Variants in POLA1 observed in about 807,000 individuals in gnomAD.
POLA1 encodes DNA polymerase alpha 1, catalytic subunit, also known as DNA polymerase alpha catalytic subunit.
A neutral mutation model predicts 124.0 loss-of-function variants in POLA1; 15 were observed. The ratio of observed to expected loss-of-function variants is 0.12; its 90% confidence interval spans 0.08 to 0.19. The LOEUF (loss-of-function observed/expected upper bound fraction) is 0.19. Ranked by LOEUF, POLA1 falls within the 10% of genes least tolerant of loss-of-function variation. The pLI, the probability that POLA1 is intolerant of heterozygous loss-of-function variation, is 1.00. For missense variants in POLA1, 886 were observed against 1,103.4 expected, an observed-to-expected ratio of 0.80 and a Z score of 2.79; for synonymous variants, 408 against 389.4, an observed-to-expected ratio of 1.05 and a Z score of -0.56.
chrX:24,780,219 G>A (rs934417835), intron 26 of POLA1, among the ~76,000 whole-genome samples: 1 of 111,912 alleles, frequency 8.9e-6, no homozygotes, highest in African/African-American at 3.3e-5. Flanking sequence ...AATGAGGTTG[G>A]AAGGGTTCCT....
intron 4 of POLA1, among the ~76,000 whole-genome samples, chrX:24,707,845 T>A (rs1462678362): frequency 9.0e-6 from 1 of 110,936 alleles, no homozygotes; most frequent in East Asian, 2.8e-4. Flanking sequence ...AATAGAAAAA[T>A]TAGTCGGGCG....
intron 30 of POLA1, among the ~76,000 whole-genome samples, chrX:24,816,321 CTG>C (rs751060177): frequency 1.8e-5 from 2 of 112,360 alleles, no homozygotes; most frequent in Admixed American, 9.4e-5. Context: ...GAATATGAAA[CTG>C]TATTTCACAG....
intron 34 of POLA1, among the ~76,000 whole-genome samples, chrX:24,863,693 C>G (rs2046752243): frequency 9.0e-6 from 1 of 111,580 alleles, no homozygotes; most frequent in Non-Finnish European, 1.9e-5. Flanking sequence ...CTTTGTGCCA[C>G]TGTGCTTTGA....
chrX:24,966,837 C>T (rs1363202093), intron 36 of POLA1, among the ~76,000 whole-genome samples: 1 of 112,280 alleles, frequency 8.9e-6, no homozygotes, highest in Non-Finnish European at 1.9e-5. Context: ...AAGCATGCTG[C>T]ACACTGTAAT....
At chrX:24,709,150 G>A (rs1602255364) in intron 4 of POLA1, among the ~76,000 whole-genome samples, 1 of 77,931 alleles carries the variant, frequency 1.3e-5, no homozygotes, top group Non-Finnish European at 2.5e-5. Flanking sequence ...CCGGGCAGAG[G>A]CGCCCCTCAC....
intron 34 of POLA1, among the ~76,000 whole-genome samples, chrX:24,876,064 AGATTATTTTTGAGGTGGT>A (rs1220900805): frequency 3.6e-5 from 4 of 112,201 alleles, no homozygotes; most frequent in African/African-American, 1.3e-4. Context: ...ATTATTGAAA[AGATTATTTTTGAGGTGGT>A]GTTTACTAAA....
intron 36 of POLA1, among the ~76,000 whole-genome samples, chrX:24,943,802 G>A (rs922314873): frequency 1.2e-4 from 13 of 112,451 alleles, no homozygotes; most frequent in African/African-American, 4.2e-4. Flanking sequence ...TTACACAGGA[G>A]TCTTTCAGTC....
intron 35 of POLA1, among the ~76,000 whole-genome samples, chrX:24,921,803 T>C (rs1391991491): frequency 9.0e-6 from 1 of 110,937 alleles, no homozygotes; most frequent in African/African-American, 3.3e-5. Flanking sequence ...ATTTTAGTCA[T>C]TGTTGATATT....
intron 35 of POLA1, among the ~76,000 whole-genome samples, chrX:24,899,648 C>G (rs1300639766): frequency 8.9e-6 from 1 of 111,783 alleles, no homozygotes; most frequent in Non-Finnish European, 1.9e-5. Flanking sequence ...GCTTTAATAG[C>G]AAAAGCAAAT....
At chrX:24,959,674 G>A (rs1008094467) in intron 36 of POLA1, among the ~76,000 whole-genome samples, 2 of 111,206 alleles carry the variant, frequency 1.8e-5, no homozygotes, top group Non-Finnish European at 3.8e-5. Flanking sequence ...CACTTGAAAC[G>A]TGCCTAGTTT....
At chrX:24,790,911 GTA>G (rs56343314) in intron 26 of POLA1, among the ~76,000 whole-genome samples, 17,181 of 77,944 alleles carry the variant, frequency 0.22, 1,405 homozygotes, top group East Asian at 0.36. Context: ...TTATGTATAT[GTA>G]TATATATATA....
At chrX:24,863,100 C>T (rs775581387) in intron 34 of POLA1, among the ~76,000 whole-genome samples, 1 of 111,960 alleles carries the variant, frequency 8.9e-6, no homozygotes, top group Non-Finnish European at 1.9e-5. Context: ...TAATTGCTTA[C>T]TAATTTTTTT....
intron 35 of POLA1, among the ~76,000 whole-genome samples, chrX:24,918,400 C>CAT (rs1291743346): frequency 2.7e-5 from 3 of 111,448 alleles, no homozygotes; most frequent in Non-Finnish European, 5.6e-5. Context: ...CACTCTAGAA[C>CAT]AAAGCAGAGA....
intron 32 of POLA1, among the ~76,000 whole-genome samples, chrX:24,837,461 G>C (rs768759907): frequency 8.9e-6 from 1 of 112,208 alleles, no homozygotes; most frequent in South Asian, 3.7e-4. Context: ...TATTAGCTGA[G>C]TAGTATTATG....
intron 34 of POLA1, among the ~76,000 whole-genome samples, chrX:24,877,213 G>A (rs1171925848): frequency 8.9e-6 from 1 of 111,851 alleles, no homozygotes; most frequent in Admixed American, 9.5e-5. Context: ...AAAGGATGTT[G>A]TCTTGAGCCT....
chrX:24,942,141 T>C (rs1299176384), intron 36 of POLA1, among the ~76,000 whole-genome samples: 4 of 112,204 alleles, frequency 3.6e-5, no homozygotes, highest in African/African-American at 1.3e-4. Flanking sequence ...CTCCTTTTTA[T>C]AGGACTCTAC....
intron 2 of POLA1, 111 bp from the exon 3 acceptor site, chrX:24,703,140 A>T: frequency 2.0e-6 from 1 of 504,590 alleles, no homozygotes; most frequent in Non-Finnish European, 3.4e-6. Context: ...GGTTGCAGCT[A>T]CTCCTTCAGT....
At chrX:24,823,021 C>T (rs2046115912) in intron 31 of POLA1, among the ~76,000 whole-genome samples, 2 of 111,601 alleles carry the variant, frequency 1.8e-5, no homozygotes, top group African/African-American at 6.5e-5. Flanking sequence ...TGTTTTGTGT[C>T]CCTTGATGTC....
chrX:24,712,878 A>G (rs1929556274), intron 4 of POLA1, among the ~76,000 whole-genome samples: 1 of 112,156 alleles, frequency 8.9e-6, no homozygotes, highest in Non-Finnish European at 1.9e-5. Flanking sequence ...TTAAATTTCC[A>G]TAAGTAATTG....
Sources: allele counts gnomAD v4.1 joint callset (sites outside exome capture counted in the v4.1 genomes callset), GRCh38; gene constraint gnomAD v4.1.1; transcripts MANE v1.5; gene names NCBI Gene and HGNC (gene_info 2026-07-23, HGNC 2026-07-21).